C6orf89: variants seen among roughly 807,000 people sequenced by gnomAD.
C6orf89 encodes the protein chromosome 6 open reading frame 89, also known as bombesin receptor-activated protein C6orf89.
In C6orf89, 29 loss-of-function variants were observed where a neutral mutation model predicts 40.7. The observed-to-expected ratio is 0.71, with a 90% confidence interval of 0.53 to 0.97. The LOEUF is 0.97. Among genes scored for constraint, C6orf89 ranks in the 50% least tolerant of loss-of-function variants. C6orf89 has a pLI of 0.00. For missense variants in C6orf89, 392 were observed against 429.1 expected (o/e 0.91, Z 0.76); for synonymous variants, 165 against 152.2 (o/e 1.08, Z -0.62).
chr6:36,918,724 C>G (rs1323049657), intron 7 of C6orf89, among the ~76,000 whole-genome samples: 1 of 152,152 alleles, frequency 6.6e-6, no homozygotes, highest in Non-Finnish European at 1.5e-5. Context: ...CTGTCATCAT[C>G]AAGGTAAGGA....
chr6:36,901,325 T>TATTATTACTA (rs1561865544), intron 3 of C6orf89, among the ~76,000 whole-genome samples: 232 of 38,812 alleles, frequency 6.0e-3, no homozygotes, highest in African/African-American at 0.031. Context: ...ATTATTATTT[T>TATTATTACTA]TTTTTTTTTT....
chr6:36,919,526 T>G, intron 7 of C6orf89, 52 bp from the exon 8 acceptor site: 1 of 1,583,350 alleles, frequency 6.3e-7, no homozygotes, highest in African/African-American at 1.3e-5. Flanking sequence ...CCCCTGGTTT[T>G]ATTTCGTTTT....
intron 8 of C6orf89, among the ~76,000 whole-genome samples, chr6:36,922,258 T>C (rs960487104): frequency 1.3e-5 from 2 of 151,904 alleles, no homozygotes; most frequent in African/African-American, 2.4e-5. Flanking sequence ...GAGAATTGCT[T>C]GAACCTGGGA....
At chr6:36,880,663 G>A (rs1774783172) in intron 2 of C6orf89, among the ~76,000 whole-genome samples, 1 of 152,162 alleles carries the variant, frequency 6.6e-6, no homozygotes, top group Non-Finnish European at 1.5e-5. Flanking sequence ...GTCATAAACT[G>A]CTTTGACTTT....
Position 36,874,758 on chromosome 6 carries a change from G to C in C6orf89, c.-628+2791G>C, listed in dbSNP as rs147328340. On this transcript the variant is annotated intron_variant, in intron 1 of 9. Coordinates refer to the C6orf89 transcript ENST00000359359. ...CGTTGGGTGGCTGCCAGGAATCTGG[G>C]GGAATTGCCGCCATAGCGAAGCCGG... The C allele has an allele frequency of 1.4e-5, 23 of 1,614,022 alleles. No individual in the cohort carries two copies. In the African/African-American group the frequency reaches 2.8e-4, roughly 20 times the overall value.
Position 36,916,533 on chromosome 6 carries a change from A to G in C6orf89, c.784A>G (p.Lys262Glu). Reference protein sequence around the residue: ...LPFPKDASLNKCSFLHPEPVV... With the variant: ...LPFPKDASLNECSFLHPEPVV... ...ATTTCCAAAAGATGCCTCTTTAAAC[A>G]AGTGCTCCTTTCTTCACCCAGAACC... Residue 262 changes from lysine to glutamate, a missense_variant, in exon 7 of 9, where the codon AAG becomes GAG. Lys to Glu is a moderately conservative substitution (Grantham distance 56, BLOSUM62 1). Coordinates refer to ENST00000480824, the MANE Select transcript of C6orf89 (RefSeq NM_001286635.2). 4 of 1,614,208 alleles carry G rather than the reference A, an allele frequency of 2.5e-6. No individual in the cohort carries two copies. The highest frequency in any genetic ancestry group is 3.4e-6 in the Non-Finnish European group (4 of 1,180,032).
At chr6:36,875,657 TTAA>T (rs1774633723) in intron 1 of C6orf89, among the ~76,000 whole-genome samples, 2 of 152,282 alleles carry the variant, frequency 1.3e-5, no homozygotes, top group Non-Finnish European at 2.9e-5. Context: ...TGCACACCAC[TTAA>T]TAATGATGGT....
intron 8 of C6orf89, among the ~76,000 whole-genome samples, chr6:36,921,759 A>G (rs1389297677): frequency 2.6e-5 from 4 of 152,090 alleles, no homozygotes; most frequent in Admixed American, 2.0e-4. Flanking sequence ...TGAGCAGGGT[A>G]GCTCACACCT....
chr6:36,890,219 G>A (rs1761144905), intron 1 of C6orf89, among the ~76,000 whole-genome samples: 1 of 152,024 alleles, frequency 6.6e-6, no homozygotes. Flanking sequence ...TTAACTCTGG[G>A]CACTGTGCTG....
upstream of C6orf89, among the ~76,000 whole-genome samples, chr6:36,881,697 C>T (rs957320876): frequency 6.6e-6 from 1 of 151,324 alleles, no homozygotes; most frequent in Non-Finnish European, 1.5e-5. Flanking sequence ...CAAAACAAAA[C>T]AAAACAATTA....
At chr6:36,914,771 C>G (rs910924722) in intron 6 of C6orf89, 78 bp downstream of exon 6, 8 of 1,555,438 alleles carry the variant, frequency 5.1e-6, no homozygotes, top group Non-Finnish European at 4.4e-6. Context: ...AGGCAGATCA[C>G]TTGAGCCTAG....
In C6orf89 at chr6:36,928,004, C is replaced by G. The variant is rs531611473; in HGVS notation, c.*4563C>G. 4 of 152,406 alleles carry G rather than the reference C, an allele frequency of 2.6e-5. No homozygotes were observed. The highest frequency in any genetic ancestry group is 9.6e-5 in the African/African-American group (4 of 41,576). 9.4% of individuals were successfully genotyped at this position (152,406 alleles called of 1,614,324 possible). Reference sequence around the variant, plus strand: ...AACCCTCAGCCAGCTTGTCTGTTGTCCAGGTCCCTCAGTGTCTCTGGTTTC... The same window carrying G: ...AACCCTCAGCCAGCTTGTCTGTTGTGCAGGTCCCTCAGTGTCTCTGGTTTC... On this transcript the variant is annotated 3_prime_UTR_variant, in exon 9 of 9. Coordinates refer to ENST00000480824, the MANE Select transcript of C6orf89 (RefSeq NM_001286635.2).
chr6:36,895,538 AG>A, intron 2 of C6orf89, among the ~76,000 whole-genome samples: 1 of 152,328 alleles, frequency 6.6e-6, no homozygotes, highest in East Asian at 1.9e-4. Context: ...TTTGTTAAAA[AG>A]GTATTAAGAA....
Position 36,902,278 on chromosome 6 carries a change from A to C in C6orf89, c.247A>C (p.Ser83Arg), listed in dbSNP as rs145208731. The change falls in exon 4 of 9, where the codon AGC (serine) becomes CGC (arginine). Residue 83 changes from serine to arginine, a missense_variant. By Grantham distance (110) the Ser-to-Arg change is moderately radical. Transcript: ENST00000480824. ...LTAYFVIQPF[S>R]PLAPEPVLSG... ...TGCCTACTTTGTGATTCAACCTTTCAGCCCATTAGCACCTGAGCCAGTGCT... is the reference window on the plus strand; with the variant it reads ...TGCCTACTTTGTGATTCAACCTTTCCGCCCATTAGCACCTGAGCCAGTGCT... The C allele has an allele frequency of 1.1e-5, 18 of 1,614,128 alleles. No homozygotes were observed. In the African/African-American group the frequency reaches 2.3e-4, roughly 20 times the overall value.
rs551832433 is a variant in C6orf89, at chr6:36,894,405, T to G, written c.-119-99T>G. 3.3e-5 allele frequency: 10 copies of G among 300,412 alleles called. No homozygotes were observed. The South Asian group carries it at 1.3e-3, about 39-fold the overall frequency. 18.6% of individuals were successfully genotyped at this position (300,412 alleles called of 1,614,324 possible). ...TCCTACTTGCTTTCATAGAATGTCT[T>G]TGTTAGTTTAAACAGGAAAATGGCA... On this transcript the variant is annotated intron_variant, in intron 1 of 8. Coordinates refer to ENST00000480824, the MANE Select transcript of C6orf89 (RefSeq NM_001286635.2).
At chr6:36,904,452 A>G (rs1761850872) in intron 4 of C6orf89, among the ~76,000 whole-genome samples, 1 of 152,168 alleles carries the variant, frequency 6.6e-6, no homozygotes, top group African/African-American at 2.4e-5. Context: ...TTTTACTTGT[A>G]AATGTGGATG....
chr6:36,874,194 A>C (rs1051683413), intron 1 of C6orf89, among the ~76,000 whole-genome samples: 14 of 152,240 alleles, frequency 9.2e-5, no homozygotes, highest in African/African-American at 3.4e-4. Context: ...AAACTAAATG[A>C]GATGACATAC....
rs183494767 is a variant in C6orf89 at position 36,909,411 on chromosome 6, T to A, written c.404-4873T>A. On this transcript the variant is annotated intron_variant, in intron 4 of 8. Coordinates refer to ENST00000480824, the MANE Select transcript of C6orf89 (RefSeq NM_001286635.2). ...TGTTGATCATTGACACTGGATGTTGTCAATGTTTTGCCAGTTAGAAAACTA... is the reference window on the plus strand; with the variant it reads ...TGTTGATCATTGACACTGGATGTTGACAATGTTTTGCCAGTTAGAAAACTA... Among the ~76,000 whole-genome samples, 74 of 152,296 alleles carry A rather than the reference T, an allele frequency of 4.9e-4. 1 individual carries two copies. The East Asian group carries it at 0.012, about 25-fold the overall frequency.
chr6:36,892,987 T>C (rs977071285), intron 1 of C6orf89: 1 of 151,912 alleles, frequency 6.6e-6, no homozygotes, highest in Admixed American at 6.6e-5. Flanking sequence ...CAGTCTGGAG[T>C]GCAGTGGGGC....
Sources: gnomAD v4.1 joint callset for allele counts (sites outside exome capture counted in the v4.1 genomes callset) on GRCh38, gnomAD v4.1.1 for gene constraint, MANE v1.5 for transcripts, NCBI Gene and HGNC (gene_info 2026-07-23, HGNC 2026-07-21) for gene names.